GPR4: variants seen among roughly 807,000 people sequenced by gnomAD.
GPR4 encodes the protein G-prodeshotein coupled receptor 4.
In GPR4, 11 loss-of-function variants were observed where a neutral mutation model predicts 17.8. That is an observed-to-expected ratio of 0.62 (90% confidence interval 0.39 to 1.02). The LOEUF (loss-of-function observed/expected upper bound fraction) is 1.02, where lower values mean the gene tolerates loss of function less well. GPR4 is among the 50% of genes least tolerant of loss of function. The probability of loss-of-function intolerance (pLI) is 0.00; values close to 1 mark genes in which losing one functional copy is unlikely to be tolerated. For synonymous variants in GPR4, 219 were observed against 222.8 expected (o/e 0.98, Z 0.15); for missense variants, 364 against 495.4 (o/e 0.73, Z 2.52).
rs1476876318 is a variant in GPR4, at chr19:45,591,633, C to T, written c.234G>A (p.Leu78=). The stretch of plus-strand genomic sequence containing the variant: ...GGCCGTGGATCCAGTTGTCGTGGTG[C>T]AGGAAGTAGTCCACCCACAGCGGCA... The part of the protein sequence containing the change: ...CTLPLWVDYF[L]HHDNWIHGPG... Residue 78 remains leucine (L), a synonymous_variant, in exon 2 of 2, where the codon CTG becomes CTA. Coordinates refer to ENST00000323040, the MANE Select transcript of GPR4 (RefSeq NM_005282.3). This position sits in a 1 kb window ranked among gnomAD's most constrained non-coding sequence, Gnocchi z 7.6. 2 of 1,613,908 alleles carry T rather than the reference C, an allele frequency of 1.2e-6. No individual in the cohort carries two copies. Among genetic ancestry groups the T allele is most frequent in the Admixed American group, 1.7e-5 (1 of 59,958 alleles).
intron 1 of GPR4, among the ~76,000 whole-genome samples, chr19:45,593,986 T>C (rs1970026078): frequency 7.1e-6 from 1 of 140,820 alleles, no homozygotes. Context: ...CTTCCAGTGA[T>C]CCTCCTGCCT....
intron 1 of GPR4, among the ~76,000 whole-genome samples, chr19:45,593,179 C>T (rs1183765876): frequency 2.6e-5 from 3 of 116,072 alleles, no homozygotes; most frequent in Middle Eastern, 6.7e-3. Flanking sequence ...GCTTGGGCAA[C>T]AGAGTGAGAC....
chr19:45,593,728 G>T (rs1970022919), intron 1 of GPR4, among the ~76,000 whole-genome samples: 1 of 151,928 alleles, frequency 6.6e-6, no homozygotes, highest in African/African-American at 2.4e-5. Context: ...AGGATGCACA[G>T]CATGGCAGCA....
At chr19:45,599,034 C>A in intron 1 of GPR4, among the ~76,000 whole-genome samples, 1 of 152,164 alleles carries the variant, frequency 6.6e-6, no homozygotes, top group South Asian at 2.1e-4. Context: ...GCCCCTTAGG[C>A]TCTGTTGAGG....
chr19:45,591,073 A>C lies in GPR4; in HGVS notation c.794T>G (p.Phe265Cys), dbSNP rs1568415993. The C allele has an allele frequency of 6.2e-7, 1 of 1,613,876 alleles. No homozygotes were observed. The highest frequency in any genetic ancestry group is 1.7e-5 in the Admixed American group (1 of 60,010). The change falls in exon 2 of 2, where the codon TTT (phenylalanine) becomes TGT (cysteine). Residue 265 changes from phenylalanine (F) to cysteine (C), a missense_variant. Physicochemically the swap from Phe to Cys is radical, Grantham distance 205 (BLOSUM62 -2). This residue lies in a region of GPR4 where 271 missense variants were observed against 373.1 expected (regional missense o/e 0.73). Coordinates refer to ENST00000323040, the MANE Select transcript of GPR4 (RefSeq NM_005282.3). This position sits in a 1 kb window ranked among gnomAD's most constrained non-coding sequence, Gnocchi z 7.6. The part of the protein sequence containing the change: ...PWDCGFEERV[F>C]SAYHSSLAFT... ...AGCCAGTGAGCTGTGGTATGCAGAAAAGACGCGCTCCTCGAAGCCGCAGTC... is the reference window on the plus strand; with the variant it reads ...AGCCAGTGAGCTGTGGTATGCAGAACAGACGCGCTCCTCGAAGCCGCAGTC...
intron 1 of GPR4, among the ~76,000 whole-genome samples, chr19:45,599,143 G>A (rs1445906759): frequency 6.6e-6 from 1 of 152,146 alleles, no homozygotes; most frequent in Non-Finnish European, 1.5e-5. Context: ...AGAGAGTCGG[G>A]GGGAAGAGAA....
chr19:45,592,177 G>C lies in GPR4; in HGVS notation c.-311C>G. On this transcript the variant is annotated 5_prime_UTR_variant, in exon 2 of 2. Transcript: ENST00000323040. ...CAGTGTGTCAACGAGGGAGTATGGG[G>C]GTGACACAAAAATTGGTCTCCGGGA... The C allele has an allele frequency of 3.3e-6, 1 of 303,538 alleles. No individual in the cohort carries two copies. Among genetic ancestry groups the C allele is most frequent in the Non-Finnish European group, 6.5e-6 (1 of 154,034 alleles). The allele number at this position is 303,538 out of a possible 1,614,324, so 18.8% of individuals were successfully genotyped here.
chr19:45,601,064 G>A (rs1416372413), intron 1 of GPR4, among the ~76,000 whole-genome samples: 1 of 152,158 alleles, frequency 6.6e-6, no homozygotes, highest in Admixed American at 6.5e-5. Flanking sequence ...TACAAAGACA[G>A]AGGTGGGGGC....
chr19:45,594,063 A>ATATATATAT (rs1555738313), intron 1 of GPR4, among the ~76,000 whole-genome samples: 2 of 36,244 alleles, frequency 5.5e-5, no homozygotes, highest in Non-Finnish European at 9.1e-5. Flanking sequence ...AAAAAAAAAA[A>ATATATATAT]ATATATATAT....
intron 1 of GPR4, among the ~76,000 whole-genome samples, chr19:45,601,859 G>GAGACACAGAAGGAA (rs1231873419): frequency 6.6e-6 from 1 of 152,062 alleles, no homozygotes; most frequent in African/African-American, 2.4e-5. Flanking sequence ...GAGACATCCA[G>GAGACACAGAAGGAA]AGACACAGAA....
At chr19:45,593,489 A>C (rs892820117) in intron 1 of GPR4, among the ~76,000 whole-genome samples, 4 of 150,646 alleles carry the variant, frequency 2.7e-5, no homozygotes, top group African/African-American at 9.7e-5. Flanking sequence ...AAAGAGTAAA[A>C]CTCTGTCTCA....
chr19:45,594,141 T>C (rs1417141917), intron 1 of GPR4, among the ~76,000 whole-genome samples: 2 of 142,162 alleles, frequency 1.4e-5, no homozygotes, highest in Non-Finnish European at 1.5e-5. Flanking sequence ...TCTCTTGAAC[T>C]CCTGAGCTCA....
chr19:45,591,258 GC>G lies in GPR4; in HGVS notation c.608del (p.Gly203AlafsTer136). ...CGCTGCCCCGCACGGCCCGCAGGAT[GC>G]CCCGGTACGACAGCAGCATGAGCGC... ...PWALMLLSYR[G>X]ILRAVRGSVS... is the part of the protein sequence containing the mutation. On this transcript the variant is annotated frameshift_variant, in exon 2 of 2. Transcript: ENST00000323040. LOFTEE classifies it high-confidence loss of function. This position sits in a 1 kb window ranked among gnomAD's most constrained non-coding sequence, Gnocchi z 7.6. 6.2e-7 allele frequency: 1 copy of G among 1,613,228 alleles called. No individual in the cohort carries two copies. The highest frequency in any genetic ancestry group is 1.1e-5 in the South Asian group (1 of 91,062).
intron 1 of GPR4, among the ~76,000 whole-genome samples, chr19:45,593,847 C>A (rs1302030077): frequency 6.6e-6 from 1 of 151,512 alleles, no homozygotes; most frequent in Non-Finnish European, 1.5e-5. Context: ...ATAGCAGATC[C>A]CATTCCAGGC....
chr19:45,591,901 G>T lies in GPR4; in HGVS notation c.-35C>A. 6.6e-7 allele frequency: 1 copy of T among 1,526,642 alleles called. No homozygotes were observed. Among genetic ancestry groups the T allele is most frequent in the Non-Finnish European group, 8.8e-7 (1 of 1,136,988 alleles). 94.6% of individuals were successfully genotyped at this position (1,526,642 alleles called of 1,614,324 possible). On this transcript the variant is annotated 5_prime_UTR_variant, in exon 2 of 2. Transcript: ENST00000323040. This position sits in a 1 kb window ranked among gnomAD's most constrained non-coding sequence, Gnocchi z 7.6. ...TTCGGCTTCTGGGGCGCTTCCCCTGGCCCACGGGGGCTGTGGGGCCACAGG... is the reference window on the plus strand; with the variant it reads ...TTCGGCTTCTGGGGCGCTTCCCCTGTCCCACGGGGGCTGTGGGGCCACAGG...
In GPR4 at chr19:45,592,219, C is replaced by T. The variant is rs1004646748; in HGVS notation, c.-353G>A. 3 of 235,804 alleles carry T rather than the reference C, an allele frequency of 1.3e-5. No individual in the cohort carries two copies. Among genetic ancestry groups the T allele is most frequent in the East Asian group, 1.8e-4 (2 of 10,812 alleles). The allele number at this position is 235,804 out of a possible 1,614,324, so 14.6% of individuals were successfully genotyped here. On this transcript the variant is annotated 5_prime_UTR_variant, in exon 2 of 2. Transcript: ENST00000323040. ...TCTCCGGGAGTGTTTATGGAGGAGA[C>T]GAAAGCATCGCTGGGCAATGGTGAG...
intron 1 of GPR4, chr19:45,599,845 C>T (rs1053402081): frequency 6.6e-6 from 1 of 152,158 alleles, no homozygotes; most frequent in Non-Finnish European, 1.5e-5. Context: ...CTAGGAGTGT[C>T]ACATTCCAAG....
At chr19:45,602,024 C>A (rs1441080375) in intron 1 of GPR4, 71 bp downstream of exon 1, 1 of 152,302 alleles carries the variant, frequency 6.6e-6, no homozygotes, top group Non-Finnish European at 1.5e-5. Flanking sequence ...GAGGAGCGGT[C>A]TCGCCACGAG....
intron 1 of GPR4, among the ~76,000 whole-genome samples, chr19:45,597,157 C>T (rs1297893343): frequency 3.9e-5 from 6 of 152,118 alleles, no homozygotes; most frequent in African/African-American, 1.4e-4. Context: ...AAACCTCCGC[C>T]ACCTGGGTTC....
Sources: allele counts gnomAD v4.1 joint callset (sites outside exome capture counted in the v4.1 genomes callset), GRCh38; gene constraint gnomAD v4.1.1; regional missense constraint gnomAD v4.1.1; non-coding constraint Gnocchi (gnomAD v3.1); transcripts MANE v1.5; gene names NCBI Gene and HGNC (gene_info 2026-07-23, HGNC 2026-07-21).